The following GSG1L variants were observed in gnomAD, a reference collection of about 807,000 sequenced individuals.
GSG1L encodes the protein GSG1 like, also known as germ cell-specific gene 1-like protein.
A neutral mutation model predicts 42.1 loss-of-function variants in GSG1L; 24 were observed. That is an observed-to-expected ratio of 0.57 (90% CI 0.41 to 0.80). The LOEUF is 0.80. GSG1L is among the 30% of genes least tolerant of loss of function. GSG1L has a pLI of 0.00. For missense variants in GSG1L, 445 were observed against 472.2 expected, an observed-to-expected ratio of 0.94 and a Z score of 0.53; for synonymous variants, 215 against 203.5, an observed-to-expected ratio of 1.06 and a Z score of -0.48.
intron 1 of GSG1L, among the ~76,000 whole-genome samples, chr16:28,029,727 A>T (rs892766722): frequency 2.0e-5 from 3 of 152,154 alleles, no homozygotes; most frequent in Admixed American, 6.6e-5. Flanking sequence ...TGATGGATGT[A>T]TAATGGATGA....
chr16:27,856,681 G>A (rs1385766507), intron 3 of GSG1L, among the ~76,000 whole-genome samples: 2 of 152,216 alleles, frequency 1.3e-5, no homozygotes, highest in Non-Finnish European at 2.9e-5. Context: ...AGTGATACTG[G>A]CTTTTCATTT....
intron 2 of GSG1L, among the ~76,000 whole-genome samples, chr16:27,924,188 A>G (rs1486945257): frequency 2.0e-5 from 3 of 151,546 alleles, no homozygotes; most frequent in Non-Finnish European, 2.9e-5. Context: ...TAATGTCTAT[A>G]TACACAAATA....
chr16:27,933,630 C>CA (rs1422160367), intron 2 of GSG1L, among the ~76,000 whole-genome samples: 7 of 105,840 alleles, frequency 6.6e-5, no homozygotes, highest in African/African-American at 2.6e-4. Flanking sequence ...GCCTGGGTGA[C>CA]AGAGCAAGAC....
intron 1 of GSG1L, among the ~76,000 whole-genome samples, chr16:28,052,812 A>C (rs574261913): frequency 6.6e-6 from 1 of 152,356 alleles, no homozygotes; most frequent in East Asian, 1.9e-4. Context: ...GGACATGTTA[A>C]TCTGAGATGC....
chr16:28,042,126 T>C lies in GSG1L; in HGVS notation c.349+20950A>G, dbSNP rs74016617. Among the ~76,000 whole-genome samples the C allele has an allele frequency of 3.2e-3, 485 of 152,286 alleles. 1 individual carries two copies. The highest frequency in any genetic ancestry group is 0.011 in the African/African-American group (450 of 41,558). On this transcript the variant is annotated intron_variant, in intron 1 of 6. Transcript: ENST00000447459. Reference sequence around the variant, plus strand: ...TCACCAGGAGGTGAGAGGGAGATCCTATCTCCAGCTAGTAAAGTCATAAAA... The same window carrying C: ...TCACCAGGAGGTGAGAGGGAGATCCCATCTCCAGCTAGTAAAGTCATAAAA...
chr16:27,992,976 G>T, intron 1 of GSG1L, among the ~76,000 whole-genome samples: 1 of 152,164 alleles, frequency 6.6e-6, no homozygotes, highest in African/African-American at 2.4e-5. Flanking sequence ...TATTGAGAAC[G>T]TACTATGTGC....
chr16:27,837,832 G>A (rs975536544), intron 4 of GSG1L, among the ~76,000 whole-genome samples: 1 of 150,848 alleles, frequency 6.6e-6, no homozygotes, highest in East Asian at 1.9e-4. Flanking sequence ...TTTGGCTAGA[G>A]AAAGCGGACT....
At chr16:27,894,285 A>G (rs1369115123) in intron 2 of GSG1L, among the ~76,000 whole-genome samples, 1 of 152,196 alleles carries the variant, frequency 6.6e-6, no homozygotes, top group Non-Finnish European at 1.5e-5. Context: ...TGTCCTGTCT[A>G]AGGTGCCCAT....
intron 1 of GSG1L, among the ~76,000 whole-genome samples, chr16:28,010,570 G>A (rs983306879): frequency 1.3e-5 from 2 of 152,054 alleles, no homozygotes; most frequent in African/African-American, 4.8e-5. Context: ...CAGCCTGCAG[G>A]GACCTTCAAT....
At chr16:27,799,807 GA>G (rs1205711225) in intron 6 of GSG1L, among the ~76,000 whole-genome samples, 1 of 152,136 alleles carries the variant, frequency 6.6e-6, no homozygotes, top group African/African-American at 2.4e-5. Context: ...ATTGGCCCTA[GA>G]AGCAGCAATT....
At chr16:27,941,585 T>C in intron 2 of GSG1L, among the ~76,000 whole-genome samples, 1 of 119,186 alleles carries the variant, frequency 8.4e-6, no homozygotes, top group African/African-American at 3.3e-5. Flanking sequence ...GGCAGGAGAA[T>C]CACTTGAACC....
chr16:27,973,850 G>T (rs556972287), intron 1 of GSG1L, among the ~76,000 whole-genome samples: 40 of 152,234 alleles, frequency 2.6e-4, no homozygotes, highest in African/African-American at 8.7e-4. Flanking sequence ...CTCAGTGGGC[G>T]GCAGTCCAGG....
intron 2 of GSG1L, among the ~76,000 whole-genome samples, chr16:27,923,738 A>AAC (rs1289808202): frequency 7.3e-6 from 1 of 137,698 alleles, no homozygotes; most frequent in African/African-American, 2.8e-5. Context: ...TGTCAAGAAA[A>AAC]AAAAAAAAAG....
intron 1 of GSG1L, among the ~76,000 whole-genome samples, chr16:27,998,598 G>A (rs565690915): frequency 3.9e-5 from 6 of 152,120 alleles, no homozygotes; most frequent in Non-Finnish European, 8.8e-5. Flanking sequence ...GGGCAGCCTG[G>A]GCAACACAGT....
At chr16:28,013,990 T>C (rs2141159025) in intron 1 of GSG1L, among the ~76,000 whole-genome samples, 1 of 152,374 alleles carries the variant, frequency 6.6e-6, no homozygotes, top group South Asian at 2.1e-4. Flanking sequence ...GCTCCTGGAA[T>C]GACTGGCAGG....
At chr16:27,846,956 CAAA>C (rs5816450) in intron 3 of GSG1L, among the ~76,000 whole-genome samples, 42 of 113,516 alleles carry the variant, frequency 3.7e-4, no homozygotes, top group African/African-American at 1.1e-3. Context: ...GACTCCGTCT[CAAA>C]AAAAAAAAAA....
intron 1 of GSG1L, among the ~76,000 whole-genome samples, chr16:28,026,639 C>T (rs748572613): frequency 6.8e-4 from 103 of 152,332 alleles, no homozygotes; most frequent in African/African-American, 2.3e-3. Flanking sequence ...CCCGTCCCTT[C>T]GCATTCTGGG....
At chr16:28,035,012 T>C (rs925703762) in intron 1 of GSG1L, among the ~76,000 whole-genome samples, 1 of 152,014 alleles carries the variant, frequency 6.6e-6, no homozygotes, top group African/African-American at 2.4e-5. Context: ...TGCAGCTGTG[T>C]TTTATTATTA....
intron 4 of GSG1L, among the ~76,000 whole-genome samples, chr16:27,833,697 T>G (rs1415341624): frequency 6.6e-6 from 1 of 152,154 alleles, no homozygotes; most frequent in African/African-American, 2.4e-5. Context: ...CTATTTCACT[T>G]TTTTAGTATA....
Sources: allele counts gnomAD v4.1 joint callset (sites outside exome capture counted in the v4.1 genomes callset), GRCh38; gene constraint gnomAD v4.1.1; transcripts MANE v1.5; gene names NCBI Gene and HGNC (gene_info 2026-07-23, HGNC 2026-07-21).